Variants in RPN2 observed in about 807,000 individuals in gnomAD.
RPN2 encodes the protein dolichyl-diphosphooligosaccharide--protein glycosyltransferase subunit 2.
Under a neutral mutation model 71.4 loss-of-function variants are expected in RPN2, and 29 were observed. The ratio of observed to expected loss-of-function variants is 0.41; its 90% CI spans 0.30 to 0.55. The LOEUF (loss-of-function observed/expected upper bound fraction) is 0.55. Ranked by LOEUF, RPN2 falls within the 20% of genes least tolerant of loss-of-function variation. RPN2 has a pLI of 0.35. For missense variants in RPN2, 726 were observed against 774.1 expected (o/e 0.94, Z 0.74); for synonymous variants, 308 against 305.0 (o/e 1.01, Z -0.10).
chr20:37,179,542 T>C (rs2066788294), intron 1 of RPN2, 173 bp downstream of exon 1: 6 of 1,389,218 alleles, frequency 4.3e-6, no homozygotes, highest in Non-Finnish European at 5.6e-6. Flanking sequence ...TGCGAGCTGG[T>C]GGGAGTGCCC....
At chr20:37,233,147 C>G (rs1375121769) in intron 14 of RPN2, among the ~76,000 whole-genome samples, 1 of 151,906 alleles carries the variant, frequency 6.6e-6, no homozygotes, top group Non-Finnish European at 1.5e-5. Context: ...CACATGAGCC[C>G]AGGAAGTCAA....
At chr20:37,214,761 TACAGGTCATGTTA>T in intron 9 of RPN2, among the ~76,000 whole-genome samples, 1 of 152,334 alleles carries the variant, frequency 6.6e-6, no homozygotes, top group South Asian at 2.1e-4. Flanking sequence ...TATGTCTTAT[TACAGGTCATGTTA>T]ACCTTGATCA....
At chr20:37,233,893 C>T in intron 14 of RPN2, 127 bp from the exon 15 acceptor site, 1 of 1,030,002 alleles carries the variant, frequency 9.7e-7, no homozygotes, top group Non-Finnish European at 1.5e-6. Context: ...GGAAGAATTG[C>T]CTGTCCTTCT....
intron 1 of RPN2, 93 bp from the exon 2 acceptor site, chr20:37,184,087 T>G: frequency 6.8e-7 from 1 of 1,469,646 alleles, no homozygotes; most frequent in Non-Finnish European, 9.5e-7. Flanking sequence ...CCCATGTGAT[T>G]TGGTTCCCAG....
intron 6 of RPN2, among the ~76,000 whole-genome samples, chr20:37,205,792 A>G (rs900021078): frequency 6.6e-6 from 1 of 152,078 alleles, no homozygotes; most frequent in Non-Finnish European, 1.5e-5. Context: ...TATGGGTGAA[A>G]TTGCAAGAGT....
At position 37,194,493 on chromosome 20, in the gene RPN2, C is replaced by T. The variant is rs1329082785; in HGVS notation, c.208-3904C>T. ...GTCAGGCTGGTCTCGAACTCCTGAC[C>T]TCAGGTGATCCACCCGCCTCAGCCT... On this transcript the variant is annotated intron_variant, in intron 2 of 16. Coordinates refer to ENST00000237530, the MANE Select transcript of RPN2 (RefSeq NM_002951.5). 4.6e-5 allele frequency among the ~76,000 whole-genome samples: 7 copies of T among 152,290 alleles called. No homozygotes were observed. The East Asian group carries it at 1.3e-3, about 29-fold the overall frequency.
chr20:37,213,338 G>A (rs1271868160), intron 8 of RPN2, among the ~76,000 whole-genome samples: 1 of 152,162 alleles, frequency 6.6e-6, no homozygotes, highest in Non-Finnish European at 1.5e-5. Context: ...GATTAAGCAC[G>A]AGGGTCAGGC....
intron 8 of RPN2, among the ~76,000 whole-genome samples, chr20:37,211,599 G>A (rs983804750): frequency 1.3e-5 from 2 of 149,820 alleles, no homozygotes; most frequent in African/African-American, 2.5e-5. Context: ...CTGAGAACGC[G>A]CCATTGCACT....
intron 13 of RPN2, 83 bp downstream of exon 13, chr20:37,230,142 T>G: frequency 9.4e-7 from 1 of 1,064,374 alleles, no homozygotes; most frequent in Non-Finnish European, 1.5e-6. Flanking sequence ...TCCCTTTAAC[T>G]TGTTTTGTGA....
At chr20:37,187,932 T>G (rs1444552429) in intron 2 of RPN2, among the ~76,000 whole-genome samples, 1 of 152,012 alleles carries the variant, frequency 6.6e-6, no homozygotes, top group South Asian at 2.1e-4. Flanking sequence ...CGTGAGCCAC[T>G]GCGCCCAGCC....
intron 16 of RPN2, among the ~76,000 whole-genome samples, chr20:37,237,626 A>G (rs1196967290): frequency 6.6e-6 from 1 of 152,162 alleles, no homozygotes; most frequent in Non-Finnish European, 1.5e-5. Flanking sequence ...GCATTTCACC[A>G]TGGAGACTCG....
chr20:37,208,989 G>A (rs1365374898), intron 7 of RPN2, among the ~76,000 whole-genome samples: 2 of 152,166 alleles, frequency 1.3e-5, no homozygotes, highest in Non-Finnish European at 2.9e-5. Context: ...AGTAACCTGA[G>A]TAACATGGTT....
At chr20:37,200,018 G>A (rs1002918843) in intron 4 of RPN2, among the ~76,000 whole-genome samples, 6 of 149,626 alleles carry the variant, frequency 4.0e-5, no homozygotes, top group African/African-American at 1.2e-4. Context: ...TTTTTGAGAC[G>A]TGGTCTTACT....
intron 2 of RPN2, among the ~76,000 whole-genome samples, chr20:37,189,142 CCAGGCTGGT>C (rs2067080641): frequency 6.6e-6 from 1 of 152,068 alleles, no homozygotes; most frequent in African/African-American, 2.4e-5. Context: ...GCCATGTTGG[CCAGGCTGGT>C]CCTGAACTCT....
At chr20:37,212,865 A>G (rs767213360) in intron 8 of RPN2, among the ~76,000 whole-genome samples, 71 of 152,360 alleles carry the variant, frequency 4.7e-4, no homozygotes, top group South Asian at 1.9e-3. Context: ...TTTCTTAATC[A>G]TAAGGATACA....
intron 11 of RPN2, 43 bp downstream of exon 11, chr20:37,225,845 A>G (rs1188362047): frequency 7.9e-7 from 1 of 1,271,918 alleles, no homozygotes; most frequent in Non-Finnish European, 1.1e-6. Context: ...TGAAATGTGA[A>G]TGGATACTAG....
intron 3 of RPN2, 125 bp from the exon 4 acceptor site, chr20:37,198,925 G>C (rs905676189): frequency 5.0e-6 from 4 of 805,828 alleles, no homozygotes; most frequent in Non-Finnish European, 8.7e-6. Context: ...CTGGGGATTA[G>C]AGGGGGATGA....
At chr20:37,190,566 G>A (rs2067118138) in intron 2 of RPN2, among the ~76,000 whole-genome samples, 1 of 152,138 alleles carries the variant, frequency 6.6e-6, no homozygotes, top group Admixed American at 6.5e-5. Flanking sequence ...GTAATACGTA[G>A]TATTACCCTT....
intron 16 of RPN2, chr20:37,238,489 C>G (rs935176751): frequency 1.4e-6 from 2 of 1,450,760 alleles, no homozygotes; most frequent in Non-Finnish European, 1.9e-6. Flanking sequence ...AGCAGGGTCC[C>G]TTCCCCGTCT....
Sources: gnomAD v4.1 joint callset for allele counts (sites outside exome capture counted in the v4.1 genomes callset) on GRCh38, gnomAD v4.1.1 for gene constraint, MANE v1.5 for transcripts, NCBI Gene and HGNC (gene_info 2026-07-23, HGNC 2026-07-21) for gene names.